The following TOX variants were observed in gnomAD, a reference collection of about 807,000 sequenced individuals.
The protein encoded by TOX is thymocyte selection-associated high mobility group box protein TOX.
In TOX, 11 loss-of-function variants were observed where a neutral mutation model predicts 53.7. That is an observed-to-expected ratio of 0.20 (90% CI 0.13 to 0.34). The LOEUF (loss-of-function observed/expected upper bound fraction) is 0.34. Among genes scored for constraint, TOX ranks in the 10% least tolerant of loss-of-function variants. The pLI is 1.00. For synonymous variants in TOX, 225 were observed against 245.3 expected, an observed-to-expected ratio of 0.92 and a Z score of 0.77; for missense variants, 570 against 664.6, an observed-to-expected ratio of 0.86 and a Z score of 1.56.
At chr8:59,042,815 A>G (rs955081267) in intron 1 of TOX, among the ~76,000 whole-genome samples, 33 of 152,296 alleles carry the variant, frequency 2.2e-4, no homozygotes, top group African/African-American at 7.7e-4. Flanking sequence ...GTGTTCTTTT[A>G]TATTGTAAAT....
At chr8:58,964,766 C>T (rs1291104597) in intron 1 of TOX, among the ~76,000 whole-genome samples, 4 of 152,134 alleles carry the variant, frequency 2.6e-5, no homozygotes, top group Admixed American at 2.6e-4. Context: ...CTGCTTTTTA[C>T]TCCAACACTC....
At chr8:58,895,420 T>C (rs1247400909) in intron 3 of TOX, among the ~76,000 whole-genome samples, 1 of 152,226 alleles carries the variant, frequency 6.6e-6, no homozygotes, top group Non-Finnish European at 1.5e-5. Context: ...ATTATCCTAC[T>C]CATTTTTGTA....
intron 3 of TOX, among the ~76,000 whole-genome samples, chr8:58,921,400 G>A (rs1267254240): frequency 6.6e-6 from 1 of 152,122 alleles, no homozygotes; most frequent in Non-Finnish European, 1.5e-5. Context: ...AGTTCTTTAA[G>A]ACACAGATCT....
intron 1 of TOX, among the ~76,000 whole-genome samples, chr8:59,101,686 T>C (rs745544526): frequency 6.6e-6 from 1 of 152,150 alleles, no homozygotes; most frequent in Non-Finnish European, 1.5e-5. Context: ...CATATTCTTG[T>C]CAATAAGAGC....
chr8:58,839,002 C>A (rs1313572983), intron 4 of TOX, among the ~76,000 whole-genome samples: 1 of 152,056 alleles, frequency 6.6e-6, no homozygotes, highest in Admixed American at 6.6e-5. Flanking sequence ...GCCCAGCCAT[C>A]CTTGTCTTTC....
chr8:58,873,958 C>CTGTTTTTTTTTTTT (rs1491588338), intron 3 of TOX, among the ~76,000 whole-genome samples: 2 of 40,128 alleles, frequency 5.0e-5, no homozygotes, highest in Non-Finnish European at 7.7e-5. Flanking sequence ...TGCCAGGAAG[C>CTGTTTTTTTTTTTT]TTTTTTTTTT....
At chr8:58,927,048 T>G (rs1338294630) in intron 3 of TOX, among the ~76,000 whole-genome samples, 1 of 52,346 alleles carries the variant, frequency 1.9e-5, no homozygotes. Flanking sequence ...TTGTCACACC[T>G]TTTTTTTTTT....
rs1294121244 is a variant in TOX, at chr8:59,118,648, G to A, written c.102+238C>T. 6.6e-6 allele frequency among the ~76,000 whole-genome samples: 1 copy of A among 152,200 alleles called. No individual in the cohort carries two copies. The highest frequency in any genetic ancestry group is 1.5e-5 in the Non-Finnish European group (1 of 68,032). ...CAGGGATCCTTAGCCGCGAACAGCA[G>A]GAAGGAAAGAATCCGAGCAAATCGT... On this transcript the variant is annotated intron_variant, in intron 1 of 8. Transcript: ENST00000361421. The surrounding 1 kb of genome is among the most constrained non-coding windows in gnomAD (Gnocchi z 4.1).
intron 6 of TOX, among the ~76,000 whole-genome samples, chr8:58,826,479 C>G (rs113715586): frequency 0.027 from 4,112 of 152,236 alleles, 90 homozygotes; most frequent in South Asian, 0.069. Flanking sequence ...GTTGGCATGT[C>G]CTCAGTAAAG....
At chr8:59,078,754 T>C (rs1302274047) in intron 1 of TOX, among the ~76,000 whole-genome samples, 3 of 152,172 alleles carry the variant, frequency 2.0e-5, no homozygotes, top group Admixed American at 6.5e-5. Flanking sequence ...AACTCGGTAA[T>C]GGACAGAGGT....
At chr8:58,982,665 C>A (rs1401771910) in intron 1 of TOX, among the ~76,000 whole-genome samples, 1 of 152,212 alleles carries the variant, frequency 6.6e-6, no homozygotes, top group Non-Finnish European at 1.5e-5. Flanking sequence ...GGTCTTCTCA[C>A]CTTTTGTCCA....
At chr8:58,876,002 T>C (rs1393228349) in intron 3 of TOX, among the ~76,000 whole-genome samples, 1 of 152,218 alleles carries the variant, frequency 6.6e-6, no homozygotes, top group Non-Finnish European at 1.5e-5. Flanking sequence ...CTAGATTACT[T>C]TTCTTTGTAT....
chr8:58,967,126 G>A lies in TOX; in HGVS notation c.103-7118C>T, dbSNP rs528822351. ...CCTGACCTCGTGATCTGCCCTCCTC[G>A]GCCTCCCAAAGTGCTGGGATTACAG... On this transcript the variant is annotated intron_variant, in intron 1 of 8. Transcript: ENST00000361421. Among the ~76,000 whole-genome samples the A allele has an allele frequency of 2.6e-5, 4 of 151,744 alleles. 1 individual carries two copies. Among genetic ancestry groups the A allele is most frequent in the African/African-American group, 7.2e-5 (3 of 41,398 alleles).
intron 1 of TOX, among the ~76,000 whole-genome samples, chr8:59,003,548 G>C (rs1813734257): frequency 6.6e-6 from 1 of 152,126 alleles, no homozygotes; most frequent in Non-Finnish European, 1.5e-5. Flanking sequence ...AGTGAAAGAC[G>C]GGGGGAAAAG....
intron 3 of TOX, among the ~76,000 whole-genome samples, chr8:58,898,965 G>A (rs1402201472): frequency 6.6e-6 from 1 of 152,144 alleles, no homozygotes; most frequent in African/African-American, 2.4e-5. Flanking sequence ...GGAAATCAAG[G>A]CTCTGAGAGG....
chr8:58,859,946 G>A lies in TOX; in HGVS notation c.412-8141C>T, dbSNP rs556241702. Among the ~76,000 whole-genome samples, 116 of 152,332 alleles carry A rather than the reference G, an allele frequency of 7.6e-4. 2 individuals are homozygous for A. Among genetic ancestry groups the A allele is most frequent in the African/African-American group, 2.7e-3 (113 of 41,580 alleles). ...CAGAGAGAAGGGGGACCCTGAACCT[G>A]TTAACGCCCTTAGTGCCCTTGCCTG... is the stretch of plus-strand genomic sequence containing the variant. On this transcript the variant is annotated intron_variant, in intron 3 of 8. Transcript: ENST00000361421.
chr8:59,114,339 C>G (rs2129425158), intron 1 of TOX, among the ~76,000 whole-genome samples: 1 of 152,298 alleles, frequency 6.6e-6, no homozygotes, highest in East Asian at 1.9e-4. Flanking sequence ...ATACTTATAA[C>G]TTTGTTTGCA....
intron 3 of TOX, among the ~76,000 whole-genome samples, chr8:58,923,938 C>A (rs903324851): frequency 6.6e-6 from 1 of 152,134 alleles, no homozygotes; most frequent in Admixed American, 6.5e-5. Context: ...TGCATGAATG[C>A]ATATGAATGC....
chr8:58,953,527 T>C (rs1288709237), intron 2 of TOX, among the ~76,000 whole-genome samples: 2 of 152,198 alleles, frequency 1.3e-5, no homozygotes, highest in African/African-American at 4.8e-5. Flanking sequence ...CATTTCCCAT[T>C]GAAAACTCAG....
Sources: gnomAD v4.1 joint callset for allele counts (sites outside exome capture counted in the v4.1 genomes callset) on GRCh38, gnomAD v4.1.1 for gene constraint, Gnocchi (gnomAD v3.1) non-coding constraint, MANE v1.5 for transcripts, NCBI Gene and HGNC (gene_info 2026-07-23, HGNC 2026-07-21) for gene names.